KIAA1958: variants seen among roughly 807,000 people sequenced by gnomAD.
KIAA1958 encodes the protein KIAA1958.
In KIAA1958, 14 loss-of-function variants were observed where a neutral mutation model predicts 47.2. That is an observed-to-expected ratio of 0.30 (90% CI 0.20 to 0.46). KIAA1958 has a LOEUF of 0.46. Ranked by LOEUF, KIAA1958 falls within the 20% of genes least tolerant of loss-of-function variation. The pLI is 1.00. For synonymous variants in KIAA1958, 354 were observed against 353.3 expected, an observed-to-expected ratio of 1.00 and a Z score of -0.02; for missense variants, 803 against 909.2, an observed-to-expected ratio of 0.88 and a Z score of 1.50.
At chr9:112,490,452 A>G (rs974388996) in intron 1 of KIAA1958, among the ~76,000 whole-genome samples, 1 of 152,168 alleles carries the variant, frequency 6.6e-6, no homozygotes, top group Non-Finnish European at 1.5e-5. Flanking sequence ...ATTTACTAGC[A>G]TGATTGGAGA....
At chr9:112,616,469 A>G (rs1292593254) in intron 2 of KIAA1958, among the ~76,000 whole-genome samples, 1 of 152,240 alleles carries the variant, frequency 6.6e-6, no homozygotes, top group Admixed American at 6.5e-5. Context: ...TGGATGTGGT[A>G]ATTAGAAAGA....
rs184182359 is a variant in KIAA1958 at position 112,523,266 on chromosome 9, A to G, written c.-25+36148A>G. Among the ~76,000 whole-genome samples, 439 of 152,290 alleles carry G rather than the reference A, an allele frequency of 2.9e-3. 3 individuals are homozygous for G. The highest frequency in any genetic ancestry group is 0.01 in the African/African-American group (418 of 41,556). On this transcript the variant is annotated intron_variant, in intron 1 of 3. Coordinates refer to ENST00000337530, the MANE Select transcript of KIAA1958 (RefSeq NM_133465.4). ...GTACTAACCAGCCAGCCTGGGCAAC[A>G]TGGTGAAACCCTTCCTCTACAAAAA...
chr9:112,509,168 G>A (rs1415073859), intron 1 of KIAA1958, among the ~76,000 whole-genome samples: 1 of 149,600 alleles, frequency 6.7e-6, no homozygotes, highest in Non-Finnish European at 1.5e-5. Flanking sequence ...TTTAAAATAA[G>A]CATCGTTGTA....
chr9:112,583,068 A>G (rs1347662588), intron 2 of KIAA1958, among the ~76,000 whole-genome samples: 1 of 152,200 alleles, frequency 6.6e-6, no homozygotes, highest in Non-Finnish European at 1.5e-5. Flanking sequence ...TACAGCCTAC[A>G]TTGTCATTTC....
At chr9:112,646,531 T>C (rs572306718) in intron 3 of KIAA1958, among the ~76,000 whole-genome samples, 1 of 152,340 alleles carries the variant, frequency 6.6e-6, no homozygotes, top group South Asian at 2.1e-4. Flanking sequence ...GTTAATGTCC[T>C]TGGTCCTCCA....
intron 1 of KIAA1958, among the ~76,000 whole-genome samples, chr9:112,539,072 T>G (rs1363527086): frequency 6.6e-6 from 1 of 152,234 alleles, no homozygotes; most frequent in Admixed American, 6.5e-5. Flanking sequence ...GTAGAGAAAT[T>G]GGAACTCTCA....
In KIAA1958 at chr9:112,661,659, A is replaced by T. The variant is rs1342505233; in HGVS notation, c.*1590A>T. 1 of 152,216 alleles carries T rather than the reference A, an allele frequency of 6.6e-6. No homozygotes were observed. Among genetic ancestry groups the T allele is most frequent in the African/African-American group, 2.4e-5 (1 of 41,458 alleles). 9.4% of individuals were successfully genotyped at this position (152,216 alleles called of 1,614,324 possible). On this transcript the variant is annotated 3_prime_UTR_variant, in exon 4 of 4. Coordinates refer to ENST00000337530, the MANE Select transcript of KIAA1958 (RefSeq NM_133465.4). ...AAGACTCAACCAATGCTGCCTTAAG[A>T]TTTAATGTTATTCCCTTTTTAGTCA...
rs927576182 is a variant in KIAA1958 at position 112,614,876 on chromosome 9, C to T, written c.1172-30774C>T. On this transcript the variant is annotated intron_variant, in intron 2 of 3. Transcript: ENST00000337530. ...AGAAGTAGGAGAGCTTCACTCGGGA[C>T]TGTGGCAGGTGACAACATCCACACC... Among the ~76,000 whole-genome samples the T allele has an allele frequency of 8.5e-5, 13 of 152,320 alleles. No homozygotes were observed. The East Asian group carries it at 2.3e-3, about 27-fold the overall frequency.
At chr9:112,535,588 A>C (rs370224945) in intron 1 of KIAA1958, among the ~76,000 whole-genome samples, 6 of 152,218 alleles carry the variant, frequency 3.9e-5, no homozygotes, top group African/African-American at 1.4e-4. Context: ...TTTCCTTTGG[A>C]TATATGCCCA....
intron 1 of KIAA1958, among the ~76,000 whole-genome samples, chr9:112,567,465 T>G (rs1049146582): frequency 1.3e-4 from 20 of 152,110 alleles, no homozygotes; most frequent in Non-Finnish European, 1.9e-4. Context: ...TTTTTCCACT[T>G]GGAAAGAAAG....
chr9:112,640,527 T>C (rs1413282481), intron 2 of KIAA1958, among the ~76,000 whole-genome samples: 1 of 152,208 alleles, frequency 6.6e-6, no homozygotes, highest in African/African-American at 2.4e-5. Context: ...AAGCGCTGGC[T>C]GGCTGCTTGG....
chr9:112,489,476 T>G (rs1161151728), intron 1 of KIAA1958, among the ~76,000 whole-genome samples: 7 of 148,986 alleles, frequency 4.7e-5, no homozygotes, highest in Admixed American at 2.0e-4. Context: ...GTTTTTGTGT[T>G]TTTTTTTTTT....
intron 2 of KIAA1958, among the ~76,000 whole-genome samples, chr9:112,577,304 C>A (rs2131177320): frequency 6.6e-6 from 1 of 152,084 alleles, no homozygotes; most frequent in South Asian, 2.1e-4. Flanking sequence ...CTTTTTCTTT[C>A]TTTCTTTTAA....
rs1564205263 is a variant in KIAA1958 at position 112,659,715 on chromosome 9, C to G, written c.1797C>G (p.Asp599Glu). ...PQNQPYFARTDSVKRESRSGS... is the reference protein window; with the variant it reads ...PQNQPYFARTESVKRESRSGS... ...ACCAGCCCTACTTTGCCCGGACGGA[C>G]AGCGTCAAGCGGGAGAGTCGGAGCG... The change falls in exon 4 of 4, where the codon GAC becomes GAG. Residue 599 changes from aspartate (D) to glutamate (E), a missense_variant. Physicochemically the swap from Asp to Glu is conservative, Grantham distance 45. Around this residue, in one of 2 missense-constraint regions of KIAA1958, gnomAD observed 761 missense variants for 829.3 expected, o/e 0.92. Coordinates refer to ENST00000337530, the MANE Select transcript of KIAA1958 (RefSeq NM_133465.4). 1.9e-6 allele frequency: 3 copies of G among 1,614,190 alleles called. No homozygotes were observed. The highest frequency in any genetic ancestry group is 1.1e-5 in the South Asian group (1 of 91,082).
intron 1 of KIAA1958, among the ~76,000 whole-genome samples, chr9:112,515,875 T>A: frequency 1.6e-5 from 1 of 63,730 alleles, no homozygotes; most frequent in Non-Finnish European, 2.9e-5. Context: ...ACCCAAGAAT[T>A]ATCAATAAAA....
intron 1 of KIAA1958, among the ~76,000 whole-genome samples, chr9:112,521,503 C>A (rs1834543296): frequency 6.6e-6 from 1 of 152,172 alleles, no homozygotes; most frequent in South Asian, 2.1e-4. Flanking sequence ...CGTGAGCTAC[C>A]ATGCCAGGCC....
At chr9:112,541,762 A>C (rs1305292556) in intron 1 of KIAA1958, among the ~76,000 whole-genome samples, 1 of 152,056 alleles carries the variant, frequency 6.6e-6, no homozygotes, top group Non-Finnish European at 1.5e-5. Context: ...CCGAAATTGC[A>C]CCAATGCATT....
intron 1 of KIAA1958, among the ~76,000 whole-genome samples, chr9:112,568,301 T>A (rs1835463249): frequency 6.6e-6 from 1 of 152,158 alleles, no homozygotes; most frequent in South Asian, 2.1e-4. Flanking sequence ...CCGTGATGGG[T>A]CATCACTGCA....
chr9:112,574,830 T>C lies in KIAA1958; in HGVS notation c.750T>C (p.Ala250=), dbSNP rs749031226. Residue 250 remains alanine, a synonymous_variant, in exon 2 of 4, where the codon GCT becomes GCC. Transcript: ENST00000337530. ...THAGPSCVGS[A]KLIPHVTSAI... is the part of the protein sequence containing the mutation. ...CTGGTCCCTCCTGTGTAGGGTCTGCTAAACTGATTCCCCATGTCACATCTG... is the reference window on the plus strand; with the variant it reads ...CTGGTCCCTCCTGTGTAGGGTCTGCCAAACTGATTCCCCATGTCACATCTG... The C allele has an allele frequency of 6.2e-7, 1 of 1,614,170 alleles. No homozygotes were observed. The highest frequency in any genetic ancestry group is 1.1e-5 in the South Asian group (1 of 91,070).
Sources: allele counts gnomAD v4.1 joint callset (sites outside exome capture counted in the v4.1 genomes callset), GRCh38; gene constraint gnomAD v4.1.1; regional missense constraint gnomAD v4.1.1; transcripts MANE v1.5; gene names NCBI Gene and HGNC (gene_info 2026-07-23, HGNC 2026-07-21).